Variants in L3MBTL3 observed in about 807,000 individuals in gnomAD.
L3MBTL3 encodes the protein L3MBTL histone methyl-lysine binding protein 3.
A neutral mutation model predicts 102.3 loss-of-function variants in L3MBTL3; 27 were observed. That is an observed-to-expected ratio of 0.26 (90% CI 0.19 to 0.36). The LOEUF is 0.36. Among genes scored for constraint, L3MBTL3 ranks in the 10% least tolerant of loss-of-function variants. The pLI, the probability that L3MBTL3 is intolerant of heterozygous loss-of-function variation, is 1.00. For synonymous variants in L3MBTL3, 340 were observed against 320.9 expected (o/e 1.06, Z -0.64); for missense variants, 798 against 955.3 (o/e 0.84, Z 2.17).
Position 130,078,566 on chromosome 6 carries a change from C to T in L3MBTL3, c.1253C>T (p.Ala418Val), listed in dbSNP as rs200259290. 10 of 1,608,682 alleles carry T rather than the reference C, an allele frequency of 6.2e-6. No homozygotes were observed. In the East Asian group the frequency reaches 2.0e-4, roughly 32 times the overall value. ...ATTTGTGTAACTTTCAGGTGTGAAGCATCAAGTCCACATATTCATCCAGTT... is the reference window on the plus strand; with the variant it reads ...ATTTGTGTAACTTTCAGGTGTGAAGTATCAAGTCCACATATTCATCCAGTT... Reference protein sequence around the residue: ...WDESYDYWCEASSPHIHPVGW... With the variant: ...WDESYDYWCEVSSPHIHPVGW... Residue 418 changes from alanine to valine, a missense_variant, in exon 14 of 23, where the codon GCA becomes GTA. Around this residue, in one of 4 missense-constraint regions of L3MBTL3, gnomAD observed 10 missense variants for 27.4 expected, o/e 0.37. Coordinates refer to ENST00000361794, the MANE Select transcript of L3MBTL3 (RefSeq NM_032438.4).
intron 7 of L3MBTL3, 126 bp from the exon 8 acceptor site, chr6:130,055,045 C>A: frequency 1.4e-6 from 1 of 723,780 alleles, no homozygotes; most frequent in Non-Finnish European, 2.4e-6. Context: ...TCTTACTTTC[C>A]TTAAAAGTTA....
intron 2 of L3MBTL3, among the ~76,000 whole-genome samples, chr6:130,039,962 A>G (rs557263415): frequency 2.8e-4 from 43 of 152,332 alleles, no homozygotes; most frequent in African/African-American, 1.0e-3. Flanking sequence ...TTTCTTAAAG[A>G]TTATTTGCAG....
intron 16 of L3MBTL3, among the ~76,000 whole-genome samples, chr6:130,089,309 A>T (rs1413278193): frequency 1.3e-5 from 2 of 151,158 alleles, no homozygotes; most frequent in East Asian, 1.9e-4. Context: ...GAGTTAGAAC[A>T]TGCAGTGTTT....
intron 19 of L3MBTL3, among the ~76,000 whole-genome samples, chr6:130,118,144 A>G (rs1197708584): frequency 2.0e-5 from 3 of 152,142 alleles, no homozygotes; most frequent in African/African-American, 2.4e-5. Flanking sequence ...TTAACTTCAT[A>G]TATCATACTT....
chr6:130,036,095 C>T (rs1332075729), intron 2 of L3MBTL3, among the ~76,000 whole-genome samples: 1 of 151,736 alleles, frequency 6.6e-6, no homozygotes, highest in Non-Finnish European at 1.5e-5. Flanking sequence ...TTTCTAAGTA[C>T]TGAAAAAATT....
At chr6:130,129,130 G>A (rs373632014) in intron 20 of L3MBTL3, among the ~76,000 whole-genome samples, 1 of 152,112 alleles carries the variant, frequency 6.6e-6, no homozygotes, top group African/African-American at 2.4e-5. Context: ...CTGACTTGTA[G>A]GTAGATTTGG....
intron 20 of L3MBTL3, among the ~76,000 whole-genome samples, chr6:130,131,371 A>G (rs756860633): frequency 2.0e-5 from 3 of 152,202 alleles, no homozygotes; most frequent in Non-Finnish European, 4.4e-5. Context: ...AGCAATTGGA[A>G]CTGTCATATG....
rs1161612836 is a variant in L3MBTL3, at chr6:130,053,076, A to G, written c.582+85A>G. 19 of 1,059,426 alleles carry G rather than the reference A, an allele frequency of 1.8e-5. 1 individual carries two copies. The Middle Eastern group carries it at 1.5e-3, about 81-fold the overall frequency. The allele number at this position is 1,059,426 out of a possible 1,614,324, so 65.6% of individuals were successfully genotyped here. A position where few individuals can be genotyped will look rare whatever the true frequency, so the allele number is the denominator to read the frequency against. On this transcript the variant is annotated intron_variant, in intron 7 of 22. Coordinates refer to ENST00000361794, the MANE Select transcript of L3MBTL3 (RefSeq NM_032438.4). ...AGTCACAAGCACTGCTCTGGAGCCC[A>G]CTGAGTTCAAATGTGGGTTCCAGGA...
chr6:130,050,229 C>T (rs766894275), intron 5 of L3MBTL3, among the ~76,000 whole-genome samples: 2 of 152,230 alleles, frequency 1.3e-5, no homozygotes, highest in Non-Finnish European at 2.9e-5. Context: ...ACTGATTTCT[C>T]ATTGCCTTTT....
intron 9 of L3MBTL3, 74 bp from the exon 10 acceptor site, chr6:130,059,962 A>G: frequency 1.3e-6 from 1 of 743,880 alleles, no homozygotes; most frequent in Non-Finnish European, 2.2e-6. Flanking sequence ...TTTATTTTTA[A>G]AATGGTAACT....
intron 2 of L3MBTL3, among the ~76,000 whole-genome samples, chr6:130,028,439 T>C (rs537787840): frequency 6.6e-6 from 1 of 152,356 alleles, no homozygotes; most frequent in East Asian, 1.9e-4. Context: ...AGGTGTCTCC[T>C]CTGCAGGGAT....
At chr6:130,080,253 A>G (rs1783241733) in intron 14 of L3MBTL3, among the ~76,000 whole-genome samples, 2 of 115,912 alleles carry the variant, frequency 1.7e-5, no homozygotes, top group South Asian at 4.5e-4. Flanking sequence ...ACAGTGTTTC[A>G]AGAAAAAAGA....
chr6:130,024,401 C>T (rs977095424), intron 2 of L3MBTL3, among the ~76,000 whole-genome samples: 4 of 152,242 alleles, frequency 2.6e-5, no homozygotes, highest in African/African-American at 9.6e-5. Flanking sequence ...AGTTTTACTT[C>T]ATCTCCACTC....
chr6:130,069,032 A>T (rs1280271176), intron 12 of L3MBTL3, among the ~76,000 whole-genome samples: 5 of 152,226 alleles, frequency 3.3e-5, no homozygotes, highest in African/African-American at 1.2e-4. Context: ...ATCTTTACAG[A>T]TGGTCAGAGC....
At chr6:130,032,657 T>C (rs1779803082) in intron 2 of L3MBTL3, among the ~76,000 whole-genome samples, 1 of 152,228 alleles carries the variant, frequency 6.6e-6, no homozygotes, top group Admixed American at 6.5e-5. Flanking sequence ...GAAAAAAGGT[T>C]CTGTTATTCT....
At chr6:130,027,384 T>G (rs141344195) in intron 2 of L3MBTL3, among the ~76,000 whole-genome samples, 1 of 152,206 alleles carries the variant, frequency 6.6e-6, no homozygotes, top group African/African-American at 2.4e-5. Context: ...GTATGATTGC[T>G]TAGGTACCAA....
chr6:130,108,282 T>C lies in L3MBTL3; in HGVS notation c.1886+3707T>C, dbSNP rs991866766. Among the ~76,000 whole-genome samples, 4 of 133,850 alleles carry C rather than the reference T, an allele frequency of 3.0e-5. No individual in the cohort carries two copies. The South Asian group carries it at 7.6e-4, about 25-fold the overall frequency. The allele number at this position is 133,850 out of a possible 152,430, so 87.8% of individuals were successfully genotyped here. A position where few individuals can be genotyped will look rare whatever the true frequency, so the allele number is the denominator to read the frequency against. On this transcript the variant is annotated intron_variant, in intron 19 of 22. Coordinates refer to ENST00000361794, the MANE Select transcript of L3MBTL3 (RefSeq NM_032438.4). ...TGGAGTCTTGCTCTGTCACCCAGGCTGGAGTGCAGTGGCGTGATCTTGGCT... is the reference window on the plus strand; with the variant it reads ...TGGAGTCTTGCTCTGTCACCCAGGCCGGAGTGCAGTGGCGTGATCTTGGCT...
At chr6:130,078,522 T>G (rs1338014645) in intron 13 of L3MBTL3, 36 bp from the exon 14 acceptor site, 1 of 1,433,626 alleles carries the variant, frequency 7.0e-7, no homozygotes, top group Non-Finnish European at 9.8e-7. Context: ...GAGTTTATCC[T>G]GATAATTGCA....
At chr6:130,071,165 T>C in intron 13 of L3MBTL3, 38 bp downstream of exon 13, 1 of 1,568,986 alleles carries the variant, frequency 6.4e-7, no homozygotes, top group Non-Finnish European at 8.7e-7. Context: ...AAAAATTTAA[T>C]ATTTATCCAA....
Sources: gnomAD v4.1 joint callset for allele counts (sites outside exome capture counted in the v4.1 genomes callset) on GRCh38, gnomAD v4.1.1 for gene constraint, gnomAD v4.1.1 regional missense constraint, MANE v1.5 for transcripts, NCBI Gene and HGNC (gene_info 2026-07-23, HGNC 2026-07-21) for gene names.